Variants in SCG5 observed in about 807,000 individuals in gnomAD.
SCG5 encodes the protein secretogranin V, also known as neuroendocrine protein 7B2.
Under a neutral mutation model 25.7 loss-of-function variants are expected in SCG5, and 18 were observed. The ratio of observed to expected loss-of-function variants is 0.70; its 90% CI spans 0.48 to 1.04. The LOEUF is 1.04. Ranked by LOEUF, SCG5 falls within the 50% of genes least tolerant of loss-of-function variation. The pLI is 0.00. For synonymous variants in SCG5, 101 were observed against 91.7 expected, an observed-to-expected ratio of 1.10 and a Z score of -0.58; for missense variants, 206 against 259.8, an observed-to-expected ratio of 0.79 and a Z score of 1.42.
chr15:32,687,909 A>G (rs1453243402), intron 4 of SCG5, among the ~76,000 whole-genome samples: 2 of 152,228 alleles, frequency 1.3e-5, no homozygotes, highest in East Asian at 3.8e-4. Context: ...ACATAATACT[A>G]TATAATACAA....
At chr15:32,694,602 C>T (rs1426465183) in intron 5 of SCG5, among the ~76,000 whole-genome samples, 1 of 152,184 alleles carries the variant, frequency 6.6e-6, no homozygotes, top group African/African-American at 2.4e-5. Context: ...CTGATATGAT[C>T]CCCTGGGGTA....
At chr15:32,661,831 C>T (rs537838431) in intron 2 of SCG5, among the ~76,000 whole-genome samples, 21 of 152,104 alleles carry the variant, frequency 1.4e-4, no homozygotes, top group African/African-American at 3.1e-4. Flanking sequence ...TAAAAGCTGT[C>T]GTGGATCATT....
chr15:32,679,189 T>C (rs1251526392), intron 2 of SCG5, among the ~76,000 whole-genome samples: 2 of 119,634 alleles, frequency 1.7e-5, no homozygotes, highest in Admixed American at 9.3e-5. Flanking sequence ...CCCTTTCCCA[T>C]GCTCTTTTTT....
chr15:32,673,193 T>C (rs2054468796), intron 2 of SCG5: 1 of 152,160 alleles, frequency 6.6e-6, no homozygotes, highest in Non-Finnish European at 1.5e-5. Flanking sequence ...TGTGAGCAAG[T>C]GCCTCTGTAG....
intron 4 of SCG5, among the ~76,000 whole-genome samples, chr15:32,690,749 C>A (rs2054835956): frequency 6.6e-6 from 1 of 151,644 alleles, no homozygotes; most frequent in Non-Finnish European, 1.5e-5. Flanking sequence ...AAGTGGACAG[C>A]TCAGAGGATA....
chr15:32,667,257 C>T (rs1342234814), intron 2 of SCG5, among the ~76,000 whole-genome samples: 1 of 152,178 alleles, frequency 6.6e-6, no homozygotes. Context: ...AGAACTGACT[C>T]AGGCCAACAT....
intron 2 of SCG5, among the ~76,000 whole-genome samples, chr15:32,662,307 C>A (rs2054232897): frequency 6.6e-6 from 1 of 152,176 alleles, no homozygotes; most frequent in Non-Finnish European, 1.5e-5. Context: ...AAGTGTTGGA[C>A]TTATATGGCT....
intron 5 of SCG5, among the ~76,000 whole-genome samples, chr15:32,693,025 C>T (rs1054413330): frequency 2.6e-5 from 4 of 151,928 alleles, no homozygotes; most frequent in Admixed American, 6.6e-5. Flanking sequence ...CAGAAAGGGT[C>T]CAAAGGGTAT....
intron 3 of SCG5, among the ~76,000 whole-genome samples, chr15:32,682,432 C>T (rs1202211305): frequency 6.6e-6 from 1 of 152,162 alleles, no homozygotes; most frequent in East Asian, 1.9e-4. Flanking sequence ...TAGGCAATGC[C>T]TCCAAAGAGC....
intron 2 of SCG5, among the ~76,000 whole-genome samples, chr15:32,645,537 G>A (rs182822824): frequency 4.5e-4 from 68 of 152,226 alleles, no homozygotes; most frequent in Admixed American, 3.6e-3. Flanking sequence ...ACAAGCTGCC[G>A]CCGTGGAAGC....
intron 2 of SCG5, among the ~76,000 whole-genome samples, chr15:32,654,958 C>T (rs768831512): frequency 2.5e-4 from 38 of 152,052 alleles, no homozygotes; most frequent in African/African-American, 7.5e-4. Context: ...TAAAAGTCAC[C>T]GGCATTTCTC....
At chr15:32,692,332 T>C (rs2054874409) in intron 5 of SCG5, 1 of 964,492 alleles carries the variant, frequency 1.0e-6, no homozygotes, top group Admixed American at 6.1e-5. Flanking sequence ...TTGAATTTAC[T>C]GCAGGCTTAG....
rs560727714 is a variant in SCG5 at position 32,677,293 on chromosome 15, C to G, written c.227-2473C>G. On this transcript the variant is annotated intron_variant, in intron 2 of 5. Coordinates refer to ENST00000300175, the MANE Select transcript of SCG5 (RefSeq NM_001144757.3). ...TGAATGCGGGGGCTAGAGGAATCAG[C>G]AGAGGTAAGATTGTCCTTTTAAGGT... Among the ~76,000 whole-genome samples, 54 of 152,278 alleles carry G rather than the reference C, an allele frequency of 3.5e-4. 1 individual carries two copies. The highest frequency in any genetic ancestry group is 3.4e-3 in the Middle Eastern group (1 of 294).
At chr15:32,679,170 TG>T (rs2140568841) in intron 2 of SCG5, among the ~76,000 whole-genome samples, 1 of 151,186 alleles carries the variant, frequency 6.6e-6, no homozygotes, top group African/African-American at 2.4e-5. Flanking sequence ...ATCAGCCAAA[TG>T]GAACTCTCCC....
intron 2 of SCG5, among the ~76,000 whole-genome samples, chr15:32,648,781 T>A (rs1247848352): frequency 1.1e-4 from 16 of 141,900 alleles, no homozygotes; most frequent in African/African-American, 3.8e-4. Context: ...CTTTTTTTTT[T>A]TTAAAAAAAA....
chr15:32,685,309 G>T (rs1406798756), intron 4 of SCG5, among the ~76,000 whole-genome samples: 3 of 152,190 alleles, frequency 2.0e-5, no homozygotes, highest in Admixed American at 6.5e-5. Flanking sequence ...TCTTCCATTT[G>T]CCAGCATTAT....
intron 2 of SCG5, among the ~76,000 whole-genome samples, chr15:32,653,076 A>G (rs972445038): frequency 1.9e-4 from 29 of 152,390 alleles, no homozygotes; most frequent in African/African-American, 7.0e-4. Flanking sequence ...AATGTAAAAA[A>G]TTAGCACAGC....
chr15:32,650,344 G>T (rs1019994604), intron 2 of SCG5, among the ~76,000 whole-genome samples: 5 of 152,094 alleles, frequency 3.3e-5, no homozygotes, highest in African/African-American at 4.8e-5. Context: ...CTCGTGATCC[G>T]CCCATCTCGG....
intron 4 of SCG5, among the ~76,000 whole-genome samples, chr15:32,685,807 G>A (rs191308275): frequency 4.0e-4 from 61 of 152,324 alleles, no homozygotes; most frequent in African/African-American, 1.3e-3. Context: ...TGGCCAGTAC[G>A]TCTGTGGAAT....
Sources: allele counts gnomAD v4.1 joint callset (sites outside exome capture counted in the v4.1 genomes callset), GRCh38; gene constraint gnomAD v4.1.1; transcripts MANE v1.5; gene names NCBI Gene and HGNC (gene_info 2026-07-23, HGNC 2026-07-21).